NUCB2: variants seen among roughly 807,000 people sequenced by gnomAD.
NUCB2 encodes nucleobindin-2.
Under a neutral mutation model 57.9 loss-of-function variants are expected in NUCB2, and 48 were observed. The ratio of observed to expected loss-of-function variants is 0.83; its 90% CI spans 0.66 to 1.05. The LOEUF (loss-of-function observed/expected upper bound fraction) is 1.05. NUCB2 is among the 50% of genes least tolerant of loss of function. The pLI, the probability that NUCB2 is intolerant of heterozygous loss-of-function variation, is 0.00. For synonymous variants in NUCB2, 139 were observed against 152.1 expected (o/e 0.91, Z 0.64); for missense variants, 442 against 476.2 (o/e 0.93, Z 0.67).
At chr11:17,306,947 TA>T (rs967983957) in intron 5 of NUCB2, among the ~76,000 whole-genome samples, 3 of 151,970 alleles carry the variant, frequency 2.0e-5, no homozygotes, top group Admixed American at 6.6e-5. Context: ...CAGTCTGATG[TA>T]ACTTTTAAAC....
intron 2 of NUCB2, among the ~76,000 whole-genome samples, chr11:17,348,528 TG>T (rs1236716199): frequency 6.6e-6 from 1 of 151,732 alleles, no homozygotes; most frequent in African/African-American, 2.4e-5. Context: ...TTTGTGGAGA[TG>T]GGGCCTCACT....
chr11:17,309,066 C>T (rs1948101127), intron 5 of NUCB2, among the ~76,000 whole-genome samples: 1 of 152,226 alleles, frequency 6.6e-6, no homozygotes, highest in South Asian at 2.1e-4. Flanking sequence ...GTAACCCCAG[C>T]ACTTTGAGAG....
Position 17,347,601 on chromosome 11 carries a change from A to G in NUCB2, n.2627-1744A>G, listed in dbSNP as rs1471123461. On this transcript the variant is annotated intron_variant and non_coding_transcript_variant, in intron 2 of 2. Transcript: ENST00000532240. ...ATTTGGGAAATTTAACATTGTTACA[A>G]TACTATTAATCTAACACATAGTCCG... Among the ~76,000 whole-genome samples, 6 of 152,218 alleles carry G rather than the reference A, an allele frequency of 3.9e-5. No individual in the cohort carries two copies. In the East Asian group the frequency reaches 1.2e-3, roughly 29 times the overall value.
chr11:17,278,834 C>T (rs1403648972), intron 1 of NUCB2, among the ~76,000 whole-genome samples: 1 of 152,178 alleles, frequency 6.6e-6, no homozygotes, highest in East Asian at 1.9e-4. Context: ...CTGGGTTCTA[C>T]AAAATACCCT....
rs530950250 is a variant in NUCB2 at position 17,317,098 on chromosome 11, A to G, written c.1002+1623A>G. ...TGGTAGACTAGAAGATCAATAGATA[A>G]TTATATACTTTTAAAATTTTGACAT... On this transcript the variant is annotated intron_variant, in intron 11 of 13. Coordinates refer to ENST00000529010, the MANE Select transcript of NUCB2 (RefSeq NM_005013.4). 1.8e-4 allele frequency among the ~76,000 whole-genome samples: 28 copies of G among 152,318 alleles called. No individual in the cohort carries two copies. The South Asian group carries it at 5.8e-3, about 32-fold the overall frequency.
chr11:17,326,096 G>A (rs1950629336), intron 11 of NUCB2, among the ~76,000 whole-genome samples: 1 of 151,566 alleles, frequency 6.6e-6, no homozygotes. Flanking sequence ...CACTTCCTGG[G>A]TTCAAGTGAT....
chr11:17,332,768 A>T (rs1052953764), downstream of NUCB2: 1 of 152,210 alleles, frequency 6.6e-6, no homozygotes, highest in Non-Finnish European at 1.5e-5. Flanking sequence ...TCTAGAGTAC[A>T]GTGGTGTGAT....
chr11:17,294,232 G>C (rs1439085544), intron 2 of NUCB2, among the ~76,000 whole-genome samples: 1 of 152,098 alleles, frequency 6.6e-6, no homozygotes, highest in Non-Finnish European at 1.5e-5. Flanking sequence ...GTGGATCTCA[G>C]GTTTTAGTAT....
At chr11:17,348,270 A>G (rs2139696168) in intron 2 of NUCB2, among the ~76,000 whole-genome samples, 1 of 147,390 alleles carries the variant, frequency 6.8e-6, no homozygotes, top group African/African-American at 2.5e-5. Context: ...CAGCACAGCT[A>G]CTTGGAACAA....
At chr11:17,280,101 GT>G (rs950139249) in intron 1 of NUCB2, among the ~76,000 whole-genome samples, 2 of 151,644 alleles carry the variant, frequency 1.3e-5, no homozygotes, top group Non-Finnish European at 2.9e-5. Context: ...CCTTGGCAGA[GT>G]TTTTTTTGGC....
chr11:17,338,862 C>G (rs563965419), intron 2 of NUCB2, among the ~76,000 whole-genome samples: 1 of 152,246 alleles, frequency 6.6e-6, no homozygotes, highest in Admixed American at 6.5e-5. Flanking sequence ...TGGGGTTTCA[C>G]CATGGTGGCC....
intron 2 of NUCB2, among the ~76,000 whole-genome samples, chr11:17,342,542 C>T (rs1313076718): frequency 6.6e-6 from 1 of 150,976 alleles, no homozygotes; most frequent in Non-Finnish European, 1.5e-5. Context: ...CAAAGAACAT[C>T]TTTATTTCTG....
chr11:17,331,418 A>C lies in NUCB2; in HGVS notation c.1262A>C (p.Ter421SerextTer21), dbSNP rs774545651. The change falls in exon 14 of 14, where the codon TAA (stop) becomes TCA (serine). Residue 421 changes from the stop codon to serine, a stop_lost. Transcript: ENST00000529010. ...TTTTTCTTTTTTCCAACAGACATTT[A>C]AAGTCTGAAGTCCACCAGAACTTGG... is the stretch of plus-strand genomic sequence containing the variant. Reference protein sequence around the residue: ...AGELKFEPHI* With the variant: ...AGELKFEPHIS The C allele has an allele frequency of 1.4e-6, 2 of 1,443,526 alleles. No individual in the cohort carries two copies. Among genetic ancestry groups the C allele is most frequent in the East Asian group, 5.2e-5 (2 of 38,510 alleles). 89.4% of individuals were successfully genotyped at this position (1,443,526 alleles called of 1,614,324 possible). A position where few individuals can be genotyped will look rare whatever the true frequency, so the allele number is the denominator to read the frequency against.
intron 2 of NUCB2, among the ~76,000 whole-genome samples, chr11:17,289,650 A>T (rs942256658): frequency 6.6e-6 from 1 of 152,172 alleles, no homozygotes; most frequent in African/African-American, 2.4e-5. Context: ...TTAATATAAC[A>T]TCTTGGGGGA....
chr11:17,307,368 G>A (rs550189055), intron 5 of NUCB2, among the ~76,000 whole-genome samples: 1 of 151,488 alleles, frequency 6.6e-6, no homozygotes, highest in East Asian at 1.9e-4. Context: ...TGTCCAGGCT[G>A]GTCTTGTACT....
chr11:17,283,987 G>C (rs146648744), intron 2 of NUCB2, among the ~76,000 whole-genome samples: 115 of 152,006 alleles, frequency 7.6e-4, no homozygotes, highest in Admixed American at 1.5e-3. Flanking sequence ...ACTAGTTCTT[G>C]CTTAACTTAT....
At chr11:17,312,211 G>A in intron 10 of NUCB2, 91 bp downstream of exon 10, 1 of 750,922 alleles carries the variant, frequency 1.3e-6, no homozygotes, top group Non-Finnish European at 2.1e-6. Context: ...TACAGAATTT[G>A]TATTTAAATG....
At chr11:17,297,532 G>A (rs1400276340) in intron 4 of NUCB2, among the ~76,000 whole-genome samples, 1 of 152,106 alleles carries the variant, frequency 6.6e-6, no homozygotes. Flanking sequence ...TCGATCTGTG[G>A]AACAAGTTTC....
chr11:17,311,165 T>A, intron 7 of NUCB2, 28 bp from the exon 8 acceptor site: 1 of 1,554,202 alleles, frequency 6.4e-7, no homozygotes, highest in African/African-American at 1.4e-5. Flanking sequence ...TATTTTGTTT[T>A]GAGCAATTTT....
Sources: allele counts gnomAD v4.1 joint callset (sites outside exome capture counted in the v4.1 genomes callset), GRCh38; gene constraint gnomAD v4.1.1; transcripts MANE v1.5; gene names NCBI Gene and HGNC (gene_info 2026-07-23, HGNC 2026-07-21).